Variants in PPRC1 observed in about 807,000 individuals in gnomAD.
The protein encoded by PPRC1 is PPARG related coactivator 1.
A neutral mutation model predicts 132.5 loss-of-function variants in PPRC1; 23 were observed. That is an observed-to-expected ratio of 0.17 (90% confidence interval 0.12 to 0.25). The LOEUF (loss-of-function observed/expected upper bound fraction) is 0.25. Among genes scored for constraint, PPRC1 ranks in the 10% least tolerant of loss-of-function variants. The pLI is 1.00. For synonymous variants in PPRC1, 872 were observed against 833.5 expected (o/e 1.05, Z -0.80); for missense variants, 2,006 against 2,089.1 (o/e 0.96, Z 0.78).
chr10:102,119,939 C>G, the PPRC1 span: 11 of 480,308 alleles, frequency 2.3e-5, no homozygotes, highest in Non-Finnish European at 3.1e-5. Flanking sequence ...CGCTACCCGC[C>G]AGCCTGAGGC....
At chr10:102,147,433 GT>G in intron 9 of PPRC1, 41 bp downstream of exon 9, 1 of 1,551,764 alleles carries the variant, frequency 6.4e-7, no homozygotes, top group South Asian at 1.2e-5. Flanking sequence ...CATTTAGGAA[GT>G]TCACGTACTT....
upstream of PPRC1, among the ~76,000 whole-genome samples, chr10:102,131,871 T>A (rs998174770): frequency 6.6e-6 from 1 of 152,218 alleles, no homozygotes; most frequent in Non-Finnish European, 1.5e-5. Context: ...TTGTCCAGGC[T>A]GGTCTCAAAC....
In PPRC1 at chr10:102,140,157, C is replaced by T. The variant is rs368141611; in HGVS notation, c.1649C>T (p.Ala550Val). ...LERSAGQSSP[A>V]KEGPLDLYPK... ...AGAAGTGCTGGACAAAGTAGTCCTG[C>T]TAAAGAAGGCCCTCTAGACCTCTAC... The change falls in exon 5 of 14, where the codon GCT becomes GTT. Residue 550 changes from alanine to valine, a missense_variant. Ala to Val is a moderately conservative substitution (Grantham distance 64). Coordinates refer to ENST00000278070, the MANE Select transcript of PPRC1 (RefSeq NM_015062.5). The T allele has an allele frequency of 3.1e-6, 5 of 1,614,106 alleles. No individual in the cohort carries two copies. In the African/African-American group the frequency reaches 5.3e-5, roughly 17 times the overall value.
upstream of PPRC1, among the ~76,000 whole-genome samples, chr10:102,130,721 G>A (rs1436230864): frequency 6.6e-6 from 1 of 151,992 alleles, no homozygotes; most frequent in African/African-American, 2.4e-5. Context: ...GGTGACAAGA[G>A]TGAAACTCCA....
At chr10:102,132,197 CT>C (rs2068555467), upstream of PPRC1, among the ~76,000 whole-genome samples, 1 of 152,178 alleles carries the variant, frequency 6.6e-6, no homozygotes, top group African/African-American at 2.4e-5. Context: ...AGGCCTACTA[CT>C]TTTTTTCCTC....
chr10:102,121,938 T>G, the PPRC1 span, among the ~76,000 whole-genome samples: 1 of 151,946 alleles, frequency 6.6e-6, no homozygotes, highest in Admixed American at 6.5e-5. Flanking sequence ...CCACCTTAGG[T>G]TTTTGCTGAG....
chr10:102,140,334 C>T lies in PPRC1; in HGVS notation c.1826C>T (p.Pro609Leu), dbSNP rs1271378324. 3.7e-6 allele frequency: 6 copies of T among 1,614,184 alleles called. No homozygotes were observed. Among genetic ancestry groups the T allele is most frequent in the South Asian group, 1.1e-5 (1 of 91,078 alleles). Residue 609 changes from proline (P) to leucine (L), a missense_variant, in exon 5 of 14, where the codon CCT (proline) becomes CTT (leucine). This residue lies in a region of PPRC1 where 1,914 missense variants were observed against 1,917.2 expected (regional missense o/e 1.00). Transcript: ENST00000278070. ...CTAGCTGGCCCTGTACCTGTTGACC[C>T]TGGGTTGGTTGACCTTGCTTCAACC... ...PVLAGPVPVD[P>L]GLVDLASTSS...
At chr10:102,136,951 T>G (rs1356501473) in intron 1 of PPRC1, among the ~76,000 whole-genome samples, 2 of 152,202 alleles carry the variant, frequency 1.3e-5, no homozygotes, top group Admixed American at 1.3e-4. Context: ...GAATCAAGCT[T>G]TCTCTTCACT....
the PPRC1 span, among the ~76,000 whole-genome samples, chr10:102,122,334 C>T: frequency 6.6e-6 from 1 of 152,164 alleles, no homozygotes; most frequent in Non-Finnish European, 1.5e-5. Flanking sequence ...CAACTGACCA[C>T]CCCACCTGGG....
At chr10:102,149,830 C>T in intron 13 of PPRC1, 96 bp from the exon 14 acceptor site, 1 of 929,970 alleles carries the variant, frequency 1.1e-6, no homozygotes, top group Non-Finnish European at 1.8e-6. Flanking sequence ...AGTTTTCACT[C>T]CATCCGTTTT....
chr10:102,123,973 T>C, the PPRC1 span, among the ~76,000 whole-genome samples: 1 of 151,672 alleles, frequency 6.6e-6, no homozygotes, highest in Non-Finnish European at 1.5e-5. Context: ...GCTGAGTACC[T>C]GGGATTATAG....
chr10:102,148,546 A>G lies in PPRC1; in HGVS notation c.4550+25A>G, dbSNP rs377199879. On this transcript the variant is annotated intron_variant, in intron 10 of 13. Transcript: ENST00000278070. The surrounding 1 kb of genome is among the most constrained non-coding windows in gnomAD (Gnocchi z 4.2). ...GGTGAGCATGTGTTCAGGGAGCGCC[A>G]TGCACCTGGGATGCAGGTGCCTAAG... The G allele has an allele frequency of 2.5e-6, 4 of 1,612,504 alleles. No homozygotes were observed. Among genetic ancestry groups the G allele is most frequent in the African/African-American group, 2.7e-5 (2 of 74,866 alleles).
intron 6 of PPRC1, 139 bp downstream of exon 6, chr10:102,143,237 A>G (rs994113875): frequency 4.0e-6 from 3 of 741,488 alleles, no homozygotes; most frequent in African/African-American, 1.8e-5. Flanking sequence ...AGAGAGAGAC[A>G]AGATTGAACT....
At chr10:102,131,724 C>A (rs528014556), upstream of PPRC1, among the ~76,000 whole-genome samples, 1 of 152,342 alleles carries the variant, frequency 6.6e-6, no homozygotes, top group East Asian at 1.9e-4. Context: ...GTGGCATGAT[C>A]TTGGCTCACT....
At chr10:102,133,012 T>C, upstream of PPRC1, 9 of 1,236,372 alleles carry the variant, frequency 7.3e-6, no homozygotes, top group Non-Finnish European at 9.1e-6. Context: ...TTTCCCACAA[T>C]CGGCTGGGCG....
intron 5 of PPRC1, 67 bp downstream of exon 5, chr10:102,142,071 C>T (rs1461863042): frequency 6.7e-7 from 1 of 1,492,870 alleles, no homozygotes; most frequent in Non-Finnish European, 9.0e-7. Context: ...TAGGATAAGC[C>T]ACCCTGATGA....
At chr10:102,145,567 TAA>T (rs544168412) in intron 8 of PPRC1, among the ~76,000 whole-genome samples, 6 of 117,348 alleles carry the variant, frequency 5.1e-5, no homozygotes, top group Non-Finnish European at 5.3e-5. Context: ...CAAGACTATC[TAA>T]AAAAAAAAAA....
chr10:102,121,653 C>T, the PPRC1 span, among the ~76,000 whole-genome samples: 3 of 152,044 alleles, frequency 2.0e-5, no homozygotes, highest in African/African-American at 7.3e-5. Flanking sequence ...GAGAGTTGAC[C>T]CCCTCCCTCC....
Position 102,140,647 on chromosome 10 carries a change from A to G in PPRC1, c.2139A>G (p.Ser713=), listed in dbSNP as rs2068925994. The change falls in exon 5 of 14, where the codon TCA becomes TCG. Residue 713 remains serine (S), a synonymous_variant. Transcript: ENST00000278070. Reference sequence around the variant, plus strand: ...CAGCACCCCAGCTCCTCGTGGAGTCAGAGTCCTTGGACCCACCAAAGACCA... The same window carrying G: ...CAGCACCCCAGCTCCTCGTGGAGTCGGAGTCCTTGGACCCACCAAAGACCA... ...GGSAPQLLVE[S]ESLDPPKTII... 1.2e-6 allele frequency: 2 copies of G among 1,614,012 alleles called. No individual in the cohort carries two copies. The highest frequency in any genetic ancestry group is 2.2e-5 in the East Asian group (1 of 44,894).
Sources: gnomAD v4.1 joint callset for allele counts (sites outside exome capture counted in the v4.1 genomes callset) on GRCh38, gnomAD v4.1.1 for gene constraint, gnomAD v4.1.1 regional missense constraint, Gnocchi (gnomAD v3.1) non-coding constraint, MANE v1.5 for transcripts, NCBI Gene and HGNC (gene_info 2026-07-23, HGNC 2026-07-21) for gene names.